PDE6D: variants seen among roughly 807,000 people sequenced by gnomAD.
The protein encoded by PDE6D is retinal rod rhodopsin-sensitive cGMP 3',5'-cyclic phosphodiesterase subunit delta.
Under a neutral mutation model 21.9 loss-of-function variants are expected in PDE6D, and 10 were observed. The ratio of observed to expected loss-of-function variants is 0.46; its 90% confidence interval spans 0.28 to 0.78. The LOEUF (loss-of-function observed/expected upper bound fraction) is 0.78, where lower values mean the gene tolerates loss of function less well. Ranked by LOEUF, PDE6D falls within the 30% of genes least tolerant of loss-of-function variation. The probability of loss-of-function intolerance (pLI) is 0.12; values close to 1 mark genes in which losing one functional copy is unlikely to be tolerated. For synonymous variants in PDE6D, 59 were observed against 63.5 expected (o/e 0.93, Z 0.34); for missense variants, 139 against 184.8 (o/e 0.75, Z 1.44).
Position 231,754,935 on chromosome 2 carries a change from C to T in PDE6D, c.51-15747G>A, listed in dbSNP as rs116976369. Among the ~76,000 whole-genome samples, 86 of 152,212 alleles carry T rather than the reference C, an allele frequency of 5.7e-4. 1 individual carries two copies. In the East Asian group the frequency reaches 0.016, roughly 28 times the overall value. On this transcript the variant is annotated intron_variant, in intron 1 of 4. Transcript: ENST00000287600. ...AATGAACTAAATGTTTATGTCCCCTCCAAATTCATACATTGAAATCCTAAC... is the reference window on the plus strand; with the variant it reads ...AATGAACTAAATGTTTATGTCCCCTTCAAATTCATACATTGAAATCCTAAC...
intron 1 of PDE6D, among the ~76,000 whole-genome samples, chr2:231,762,339 C>CTTTTTT (rs3074725): frequency 1.1e-4 from 9 of 83,456 alleles, no homozygotes; most frequent in South Asian, 3.9e-4. Flanking sequence ...AGGACTAACG[C>CTTTTTT]TTTTTTTTTT....
At chr2:231,749,462 G>A (rs552639320) in intron 1 of PDE6D, among the ~76,000 whole-genome samples, 3 of 151,550 alleles carry the variant, frequency 2.0e-5, no homozygotes, top group Admixed American at 6.6e-5. Flanking sequence ...GCTCATAGGC[G>A]GATGGGACTT....
chr2:231,735,304 T>TA (rs1192533169), intron 4 of PDE6D, among the ~76,000 whole-genome samples: 1 of 143,046 alleles, frequency 7.0e-6, no homozygotes, highest in Non-Finnish European at 1.5e-5. Flanking sequence ...CTATTACAAT[T>TA]TTTTTTTTTT....
intron 1 of PDE6D, among the ~76,000 whole-genome samples, chr2:231,753,347 C>A (rs1574625529): frequency 6.6e-6 from 1 of 150,612 alleles, no homozygotes; most frequent in Admixed American, 6.6e-5. Context: ...CACAGTGAAA[C>A]CCCGTCTGTA....
chr2:231,760,270 T>C (rs2048915849), intron 1 of PDE6D, among the ~76,000 whole-genome samples: 1 of 152,198 alleles, frequency 6.6e-6, no homozygotes, highest in Admixed American at 6.5e-5. Flanking sequence ...TATGAAACTT[T>C]GGCAGAAATG....
At chr2:231,745,618 T>C (rs147912093) in intron 1 of PDE6D, among the ~76,000 whole-genome samples, 7 of 152,132 alleles carry the variant, frequency 4.6e-5, no homozygotes, top group Non-Finnish European at 1.5e-5. Flanking sequence ...CAGGCAAACA[T>C]AAGGAAGCAC....
intron 1 of PDE6D, among the ~76,000 whole-genome samples, chr2:231,743,272 G>A (rs191358068): frequency 2.6e-5 from 4 of 151,722 alleles, no homozygotes; most frequent in Admixed American, 2.0e-4. Flanking sequence ...AAAAATACAA[G>A]AATTAGCTGG....
rs563251051 is a variant in PDE6D, at chr2:231,734,200, C to T, written c.372-1167G>A. Among the ~76,000 whole-genome samples, 26 of 150,836 alleles carry T rather than the reference C, an allele frequency of 1.7e-4. No individual in the cohort carries two copies. In the East Asian group the frequency reaches 3.3e-3, roughly 19 times the overall value. On this transcript the variant is annotated intron_variant, in intron 4 of 4. Transcript: ENST00000287600. ...CTGCACTCCAGCCTCCGCGACAGAG[C>T]GAGACTCTGTCTCAAAAAAAATAAA...
rs767751830 is a variant in PDE6D at position 231,757,839 on chromosome 2, C to G, written c.51-18651G>C. Among the ~76,000 whole-genome samples, 8 of 151,902 alleles carry G rather than the reference C, an allele frequency of 5.3e-5. No individual in the cohort carries two copies. The South Asian group carries it at 6.2e-4, about 12-fold the overall frequency. The stretch of plus-strand genomic sequence containing the variant: ...AAAATTATATTTACACATATATTTC[C>G]TTTACCAAAGGAATGGCTGTTACAG... On this transcript the variant is annotated intron_variant, in intron 1 of 4. Coordinates refer to ENST00000287600, the MANE Select transcript of PDE6D (RefSeq NM_002601.4).
intron 1 of PDE6D, among the ~76,000 whole-genome samples, chr2:231,757,420 C>G (rs1294823344): frequency 1.3e-5 from 2 of 152,214 alleles, no homozygotes; most frequent in Non-Finnish European, 2.9e-5. Context: ...GCCTCAGCCT[C>G]CCCAGTAGGT....
rs775174959 is a variant in PDE6D at position 231,732,936 on chromosome 2, T to A, written c.*16A>T. 1 of 1,564,038 alleles carries A rather than the reference T, an allele frequency of 6.4e-7. No individual in the cohort carries two copies. Among genetic ancestry groups the A allele is most frequent in the South Asian group, 1.1e-5 (1 of 88,840 alleles). On this transcript the variant is annotated 3_prime_UTR_variant, in exon 5 of 5. Coordinates refer to ENST00000287600, the MANE Select transcript of PDE6D (RefSeq NM_002601.4). ...CCAAAAAACCCAAATTCTTGAAATG[T>A]ACACACATTCTTCTTTCAAACATAG...
At chr2:231,762,004 G>GA (rs1197035419) in intron 1 of PDE6D, among the ~76,000 whole-genome samples, 2 of 152,206 alleles carry the variant, frequency 1.3e-5, no homozygotes, top group Non-Finnish European at 2.9e-5. Flanking sequence ...GACAGGGTGA[G>GA]AAAGGCAAGC....
intron 1 of PDE6D, among the ~76,000 whole-genome samples, chr2:231,759,429 A>C (rs1574628908): frequency 2.0e-5 from 3 of 152,186 alleles, no homozygotes; most frequent in Non-Finnish European, 4.4e-5. Context: ...AGGGGGAAAA[A>C]CAGCCATTGG....
intron 1 of PDE6D, among the ~76,000 whole-genome samples, chr2:231,764,628 A>C (rs1307630899): frequency 6.6e-6 from 1 of 152,196 alleles, no homozygotes; most frequent in Non-Finnish European, 1.5e-5. Flanking sequence ...TGAAGAAGTC[A>C]AGATGGCAAA....
chr2:231,742,462 A>C (rs1463948385), intron 1 of PDE6D, among the ~76,000 whole-genome samples: 1 of 152,188 alleles, frequency 6.6e-6, no homozygotes, highest in Non-Finnish European at 1.5e-5. Flanking sequence ...ACAACTTAAT[A>C]AAAATAAAGA....
intron 3 of PDE6D, 73 bp from the exon 4 acceptor site, chr2:231,737,365 C>A: frequency 1.3e-6 from 1 of 745,156 alleles, no homozygotes. Context: ...GTCTCCCTCT[C>A]TAGAGTGAGC....
At chr2:231,741,184 T>C (rs1378458877) in intron 1 of PDE6D, among the ~76,000 whole-genome samples, 1 of 139,754 alleles carries the variant, frequency 7.2e-6, no homozygotes. Flanking sequence ...ATTTACAGAA[T>C]ATCAAAGATA....
intron 1 of PDE6D, among the ~76,000 whole-genome samples, chr2:231,744,774 CTATAAAA>C (rs1210198633): frequency 6.6e-6 from 1 of 152,082 alleles, no homozygotes; most frequent in East Asian, 1.9e-4. Flanking sequence ...AAAATATATT[CTATAAAA>C]TATATTTATA....
intron 1 of PDE6D, among the ~76,000 whole-genome samples, chr2:231,773,965 ACT>A (rs2049034258): frequency 6.6e-6 from 1 of 151,936 alleles, no homozygotes; most frequent in Non-Finnish European, 1.5e-5. Flanking sequence ...ATGGAGTCTC[ACT>A]CTGTTACCCA....
Sources: allele counts gnomAD v4.1 joint callset (sites outside exome capture counted in the v4.1 genomes callset), GRCh38; gene constraint gnomAD v4.1.1; transcripts MANE v1.5; gene names NCBI Gene and HGNC (gene_info 2026-07-23, HGNC 2026-07-21).